The following LRRIQ3 variants were observed in gnomAD, a reference collection of about 807,000 sequenced individuals.
LRRIQ3 encodes the protein leucine rich repeats and IQ motif containing 3.
In LRRIQ3, 75 loss-of-function variants were observed where a neutral mutation model predicts 59.3. That is an observed-to-expected ratio of 1.26 (90% CI 1.05 to 1.53). The LOEUF is 1.53. LRRIQ3 is among the 40% of genes most tolerant of loss of function. The pLI is 0.00. For missense variants in LRRIQ3, 831 were observed against 710.0 expected, an observed-to-expected ratio of 1.17 and a Z score of -1.94; for synonymous variants, 250 against 231.3, an observed-to-expected ratio of 1.08 and a Z score of -0.73.
chr1:74,168,814 T>A (rs914618342), intron 3 of LRRIQ3, among the ~76,000 whole-genome samples: 2 of 152,130 alleles, frequency 1.3e-5, no homozygotes, highest in Non-Finnish European at 2.9e-5. Flanking sequence ...TATGGACATA[T>A]GTATTACTTG....
intron 4 of LRRIQ3, among the ~76,000 whole-genome samples, chr1:74,142,524 G>A (rs17094890): frequency 5.3e-5 from 8 of 151,906 alleles, no homozygotes; most frequent in Non-Finnish European, 7.4e-5. Flanking sequence ...ACCATTCTTC[G>A]AGTAGGTAGC....
At chr1:74,122,198 C>T (rs11810749) in intron 4 of LRRIQ3, among the ~76,000 whole-genome samples, 1 of 152,168 alleles carries the variant, frequency 6.6e-6, no homozygotes, top group African/African-American at 2.4e-5. Flanking sequence ...ACAGTCCCAT[C>T]AACAGTGTAA....
chr1:74,134,235 C>G (rs190047614), intron 4 of LRRIQ3, among the ~76,000 whole-genome samples: 129 of 152,012 alleles, frequency 8.5e-4, no homozygotes, highest in African/African-American at 3.0e-3. Flanking sequence ...TCACTAAAGG[C>G]ATATAACCAA....
intron 4 of LRRIQ3, among the ~76,000 whole-genome samples, chr1:74,129,879 T>C (rs1195886486): frequency 6.6e-6 from 1 of 151,912 alleles, no homozygotes; most frequent in Non-Finnish European, 1.5e-5. Flanking sequence ...AGAAATGTTG[T>C]CCAAGAGCTA....
intron 6 of LRRIQ3, among the ~76,000 whole-genome samples, chr1:74,053,795 A>G (rs1654443851): frequency 6.6e-6 from 1 of 152,190 alleles, no homozygotes; most frequent in South Asian, 2.1e-4. Flanking sequence ...ATATGTTATT[A>G]GAGAATTGTA....
intron 4 of LRRIQ3, among the ~76,000 whole-genome samples, chr1:74,152,711 G>A (rs1287278302): frequency 6.6e-6 from 1 of 152,152 alleles, no homozygotes; most frequent in East Asian, 1.9e-4. Context: ...AATACATCTA[G>A]TTTCTAGATC....
intron 5 of LRRIQ3, among the ~76,000 whole-genome samples, chr1:74,102,495 A>T (rs1158547931): frequency 1.3e-5 from 2 of 152,060 alleles, no homozygotes; most frequent in African/African-American, 4.8e-5. Flanking sequence ...AATATGAAAA[A>T]GTTGAAACTC....
chr1:74,096,719 G>T (rs939650470), intron 5 of LRRIQ3, among the ~76,000 whole-genome samples: 1 of 152,046 alleles, frequency 6.6e-6, no homozygotes, highest in African/African-American at 2.4e-5. Flanking sequence ...CATACAGATG[G>T]GGTTTTGGTG....
chr1:74,112,767 AG>A (rs1646718502), intron 4 of LRRIQ3, among the ~76,000 whole-genome samples: 1 of 152,168 alleles, frequency 6.6e-6, no homozygotes, highest in Admixed American at 6.6e-5. Context: ...TGCACAATGC[AG>A]GGAAAATAGA....
chr1:74,144,927 T>C (rs1647466480), intron 4 of LRRIQ3, among the ~76,000 whole-genome samples: 1 of 151,956 alleles, frequency 6.6e-6, no homozygotes, highest in African/African-American at 2.4e-5. Flanking sequence ...TACACACATA[T>C]ACATATACAA....
intron 3 of LRRIQ3, among the ~76,000 whole-genome samples, chr1:74,170,377 T>A (rs1053326269): frequency 6.6e-6 from 1 of 152,188 alleles, no homozygotes; most frequent in Non-Finnish European, 1.5e-5. Flanking sequence ...TCATTCTTTT[T>A]GATATGGATA....
rs866672669 is a variant in LRRIQ3 at position 74,041,796 on chromosome 1, G to A, written c.1135C>T (p.Pro379Ser). The part of the protein sequence containing the change: ...VLREKKQHFF[P>S]AYPQPIYTTH... ...GTATAGATTGGCTGAGGATATGCAG[G>A]AAAAAAATGTTGTTTTTTCTCTCTC... The change falls in exon 7 of 8, where the codon CCT becomes TCT. Residue 379 changes from proline (P) to serine (S), a missense_variant. Physicochemically the swap from Pro to Ser is moderately conservative, Grantham distance 74 (BLOSUM62 -1). Transcript: ENST00000354431. The A allele has an allele frequency of 1.9e-6, 3 of 1,613,348 alleles. No individual in the cohort carries two copies. In the South Asian group the frequency reaches 3.3e-5, roughly 18 times the overall value.
chr1:74,117,722 C>T (rs1336355712), intron 4 of LRRIQ3, among the ~76,000 whole-genome samples: 1 of 152,050 alleles, frequency 6.6e-6, no homozygotes, highest in Non-Finnish European at 1.5e-5. Flanking sequence ...GCTGAGATCG[C>T]ACCACCGCAC....
intron 7 of LRRIQ3, among the ~76,000 whole-genome samples, chr1:74,040,085 G>A (rs1653995165): frequency 6.6e-6 from 1 of 152,042 alleles, no homozygotes; most frequent in Admixed American, 6.5e-5. Context: ...AAGGAATGGA[G>A]GAACATTTAC....
intron 5 of LRRIQ3, among the ~76,000 whole-genome samples, chr1:74,096,015 T>G (rs1358728125): frequency 6.6e-6 from 1 of 152,060 alleles, no homozygotes; most frequent in Non-Finnish European, 1.5e-5. Flanking sequence ...AAGTATGCAT[T>G]AATTTATTTA....
intron 4 of LRRIQ3, among the ~76,000 whole-genome samples, chr1:74,155,267 G>A (rs1040128239): frequency 6.6e-6 from 1 of 152,174 alleles, no homozygotes; most frequent in Non-Finnish European, 1.5e-5. Context: ...CAAGTACAAT[G>A]TTGAGAAATT....
intron 6 of LRRIQ3, among the ~76,000 whole-genome samples, chr1:74,069,672 T>C (rs1654966129): frequency 1.3e-5 from 2 of 152,030 alleles, no homozygotes; most frequent in South Asian, 4.1e-4. Context: ...TTACCATTTA[T>C]TTGATAATAT....
chr1:74,170,969 A>T (rs1649287962), intron 3 of LRRIQ3, among the ~76,000 whole-genome samples: 1 of 152,122 alleles, frequency 6.6e-6, no homozygotes, highest in South Asian at 2.1e-4. Context: ...TCCTTTTCAG[A>T]TTTTTTATTA....
intron 4 of LRRIQ3, among the ~76,000 whole-genome samples, chr1:74,134,280 A>G (rs1473602796): frequency 1.3e-5 from 2 of 152,040 alleles, no homozygotes; most frequent in East Asian, 3.9e-4. Flanking sequence ...GATAATAAAT[A>G]TAAATAAGAA....
Sources: allele counts gnomAD v4.1 joint callset (sites outside exome capture counted in the v4.1 genomes callset), GRCh38; gene constraint gnomAD v4.1.1; transcripts MANE v1.5; gene names NCBI Gene and HGNC (gene_info 2026-07-23, HGNC 2026-07-21).